The following PDGFC variants were observed in gnomAD, a reference collection of about 807,000 sequenced individuals.
The protein encoded by PDGFC is platelet derived growth factor C, also known as platelet-derived growth factor C.
Under a neutral mutation model 35.5 loss-of-function variants are expected in PDGFC, and 12 were observed. The ratio of observed to expected loss-of-function variants is 0.34; its 90% confidence interval spans 0.22 to 0.55. PDGFC has a LOEUF of 0.55. Among genes scored for constraint, PDGFC ranks in the 20% least tolerant of loss-of-function variants. The pLI, the probability that PDGFC is intolerant of heterozygous loss-of-function variation, is 0.91. For missense variants in PDGFC, 322 were observed against 412.4 expected (o/e 0.78, Z 1.90); for synonymous variants, 159 against 148.8 (o/e 1.07, Z -0.50).
intron 2 of PDGFC, among the ~76,000 whole-genome samples, chr4:156,836,429 C>G (rs780955240): frequency 1.3e-5 from 2 of 152,140 alleles, no homozygotes; most frequent in Non-Finnish European, 1.5e-5. Flanking sequence ...ATATTTTAAT[C>G]TAATAACTTT....
At chr4:156,845,587 T>C (rs1021960252) in intron 2 of PDGFC, among the ~76,000 whole-genome samples, 2 of 151,862 alleles carry the variant, frequency 1.3e-5, no homozygotes, top group African/African-American at 4.8e-5. Context: ...AAATAATTAT[T>C]GTCTATAGAC....
intron 2 of PDGFC, among the ~76,000 whole-genome samples, chr4:156,846,578 T>C (rs1729331542): frequency 6.6e-6 from 1 of 151,742 alleles, no homozygotes; most frequent in Non-Finnish European, 1.5e-5. Context: ...TAATGTTTTA[T>C]TAGATCAAAA....
At chr4:156,932,495 C>A (rs928319637) in intron 1 of PDGFC, among the ~76,000 whole-genome samples, 2 of 151,922 alleles carry the variant, frequency 1.3e-5, no homozygotes, top group South Asian at 4.1e-4. Context: ...TGGAACCAAC[C>A]CAAATGTACA....
At position 156,810,917 on chromosome 4, in the gene PDGFC, G is replaced by C; in HGVS notation, c.415C>G (p.Gln139Glu). 6.2e-7 allele frequency: 1 copy of C among 1,607,394 alleles called. No individual in the cohort carries two copies. The highest frequency in any genetic ancestry group is 8.5e-7 in the Non-Finnish European group (1 of 1,174,378). ...TCAGATACAAATCTTATCCTAATTT[G>C]ATTTCCTTTAGAAATCTGTTTTCCT... The part of the protein sequence containing the change: ...VPGKQISKGN[Q>E]IRIRFVSDEY... Residue 139 changes from glutamine (Q) to glutamate (E), a missense_variant, in exon 3 of 6, where the codon CAA (glutamine) becomes GAA (glutamate). Physicochemically the swap from Gln to Glu is conservative, Grantham distance 29. Around this residue, in one of 2 missense-constraint regions of PDGFC, gnomAD observed 202 missense variants for 295.9 expected, o/e 0.68. Transcript: ENST00000502773.
At position 156,970,882 on chromosome 4, in the gene PDGFC, G is replaced by C; in HGVS notation, c.22C>G (p.Leu8Val). Residue 8 changes from leucine to valine, a missense_variant, in exon 1 of 6, where the codon CTG (leucine) becomes GTG (valine). This residue lies in a region of PDGFC where 120 missense variants were observed against 116.6 expected (regional missense o/e 1.03). Coordinates refer to ENST00000502773, the MANE Select transcript of PDGFC (RefSeq NM_016205.3). MSLFGLL[L>V]LTSALAGQRQ... is the part of the protein sequence containing the mutation. ...TGGCCGGCCAGGGCAGATGTCAGCA[G>C]GAGAAGCCCGAAGAGGCTCATTTGG... is the stretch of plus-strand genomic sequence containing the variant. 6.2e-7 allele frequency: 1 copy of C among 1,613,548 alleles called. No individual in the cohort carries two copies. The highest frequency in any genetic ancestry group is 2.2e-5 in the East Asian group (1 of 44,830).
chr4:156,936,503 A>C (rs1295533218), intron 1 of PDGFC, among the ~76,000 whole-genome samples: 17 of 152,198 alleles, frequency 1.1e-4, no homozygotes, highest in Admixed American at 1.1e-3. Flanking sequence ...TCTGGAACCT[A>C]CCAATCCCAG....
chr4:156,944,228 C>A (rs965173435), intron 1 of PDGFC, among the ~76,000 whole-genome samples: 3 of 152,078 alleles, frequency 2.0e-5, no homozygotes, highest in African/African-American at 7.2e-5. Flanking sequence ...CTTCTGTGAT[C>A]ATTAAAGGTA....
At chr4:156,803,470 G>A (rs1731670532) in intron 3 of PDGFC, among the ~76,000 whole-genome samples, 1 of 152,090 alleles carries the variant, frequency 6.6e-6, no homozygotes, top group African/African-American at 2.4e-5. Flanking sequence ...AGGCAGGAGG[G>A]TGACAGAAAG....
chr4:156,809,809 T>C (rs1731882297), intron 3 of PDGFC, among the ~76,000 whole-genome samples: 2 of 151,926 alleles, frequency 1.3e-5, no homozygotes, highest in African/African-American at 2.4e-5. Context: ...TAAATTAATA[T>C]AATATAGACA....
intron 3 of PDGFC, among the ~76,000 whole-genome samples, chr4:156,790,721 A>AT (rs1160583364): frequency 3.9e-5 from 6 of 152,266 alleles, no homozygotes; most frequent in East Asian, 1.9e-4. Context: ...ATTTATTGAG[A>AT]TTTTTTCATC....
chr4:156,966,504 C>T (rs1732470312), intron 1 of PDGFC, among the ~76,000 whole-genome samples: 1 of 150,840 alleles, frequency 6.6e-6, no homozygotes, highest in South Asian at 2.1e-4. Flanking sequence ...ACTTATTCAA[C>T]ATATCACTTT....
At chr4:156,947,559 T>C (rs1259434869) in intron 1 of PDGFC, among the ~76,000 whole-genome samples, 1 of 152,090 alleles carries the variant, frequency 6.6e-6, no homozygotes, top group Non-Finnish European at 1.5e-5. Context: ...TTTATTTATT[T>C]GTTGCTTAGT....
At chr4:156,837,911 A>C (rs2111043992) in intron 2 of PDGFC, among the ~76,000 whole-genome samples, 1 of 152,312 alleles carries the variant, frequency 6.6e-6, no homozygotes, top group Non-Finnish European at 1.5e-5. Context: ...AGCCAAGAGC[A>C]GAATCCCTTG....
At chr4:156,919,864 T>C (rs1413256419) in intron 1 of PDGFC, among the ~76,000 whole-genome samples, 1 of 152,220 alleles carries the variant, frequency 6.6e-6, no homozygotes, top group Non-Finnish European at 1.5e-5. Flanking sequence ...CTAAATCTCA[T>C]GTTGAAATGT....
At chr4:156,909,350 C>A (rs1461505101) in intron 1 of PDGFC, among the ~76,000 whole-genome samples, 1 of 152,066 alleles carries the variant, frequency 6.6e-6, no homozygotes, top group Non-Finnish European at 1.5e-5. Context: ...GTTCATCTAC[C>A]TAAACTTCTC....
chr4:156,785,656 GA>G (rs573730683), intron 3 of PDGFC, among the ~76,000 whole-genome samples: 48 of 152,292 alleles, frequency 3.2e-4, no homozygotes, highest in Admixed American at 1.2e-3. Context: ...GTACAGGTGA[GA>G]GATGACCGAC....
chr4:156,860,646 C>A (rs1579061182), intron 1 of PDGFC, among the ~76,000 whole-genome samples: 1 of 152,036 alleles, frequency 6.6e-6, no homozygotes, highest in East Asian at 1.9e-4. Context: ...ATTATCTTGA[C>A]AAATGTCTTT....
At chr4:156,964,821 C>T (rs1408775310) in intron 1 of PDGFC, among the ~76,000 whole-genome samples, 1 of 152,106 alleles carries the variant, frequency 6.6e-6, no homozygotes, top group Admixed American at 6.6e-5. Context: ...GGGGTCTTTC[C>T]AACTCTAACA....
chr4:156,840,624 G>C (rs1208177159), intron 2 of PDGFC, among the ~76,000 whole-genome samples: 3 of 152,176 alleles, frequency 2.0e-5, no homozygotes, highest in Non-Finnish European at 4.4e-5. Context: ...CTGTCCTCCA[G>C]ACCCCAGAAT....
Sources: gnomAD v4.1 joint callset for allele counts (sites outside exome capture counted in the v4.1 genomes callset) on GRCh38, gnomAD v4.1.1 for gene constraint, gnomAD v4.1.1 regional missense constraint, MANE v1.5 for transcripts, NCBI Gene and HGNC (gene_info 2026-07-23, HGNC 2026-07-21) for gene names.